The following ABCC4 variants were observed in gnomAD, a reference collection of about 807,000 sequenced individuals.
ABCC4 encodes ATP binding cassette subfamily C member 4 (PEL blood group).
In ABCC4, 102 loss-of-function variants were observed where a neutral mutation model predicts 168.5. The ratio of observed to expected loss-of-function variants is 0.61; its 90% CI spans 0.52 to 0.71. ABCC4 has a LOEUF of 0.71. Ranked by LOEUF, ABCC4 falls within the 30% of genes least tolerant of loss-of-function variation. The pLI is 0.00. For synonymous variants in ABCC4, 617 were observed against 590.7 expected (o/e 1.04, Z -0.65); for missense variants, 1,402 against 1,605.8 (o/e 0.87, Z 2.17).
At chr13:95,218,487 C>T (rs58054459) in intron 4 of ABCC4, among the ~76,000 whole-genome samples, 1,554 of 152,238 alleles carry the variant, frequency 0.01, 30 homozygotes, top group East Asian at 0.085. Flanking sequence ...GTTTCACTGC[C>T]TTCTGAGGCT....
At chr13:95,171,514 C>G (rs1432299452) in intron 13 of ABCC4, among the ~76,000 whole-genome samples, 1 of 151,242 alleles carries the variant, frequency 6.6e-6, no homozygotes. Context: ...CGTCATCACA[C>G]CACTGCACTC....
At chr13:95,076,454 C>T (rs1287557633) in intron 21 of ABCC4, among the ~76,000 whole-genome samples, 3 of 150,372 alleles carry the variant, frequency 2.0e-5, no homozygotes, top group African/African-American at 7.3e-5. Context: ...CCATGAGGTT[C>T]CCTGACCAGC....
chr13:95,059,435 A>T (rs2033201629), intron 26 of ABCC4, among the ~76,000 whole-genome samples: 1 of 152,224 alleles, frequency 6.6e-6, no homozygotes, highest in Non-Finnish European at 1.5e-5. Context: ...TGGATCTAAG[A>T]GGGACAAGCC....
At chr13:95,068,954 G>T (rs1027322368) in intron 25 of ABCC4, among the ~76,000 whole-genome samples, 8 of 152,226 alleles carry the variant, frequency 5.3e-5, no homozygotes, top group African/African-American at 1.9e-4. Flanking sequence ...AGCTGATGCT[G>T]CCTGCAGAGT....
chr13:95,202,817 T>TTTG (rs754931701), intron 8 of ABCC4, among the ~76,000 whole-genome samples: 1 of 151,568 alleles, frequency 6.6e-6, no homozygotes, highest in African/African-American at 2.4e-5. Context: ...CCCAGCTGAT[T>TTTG]TTGTTGTTGT....
chr13:95,222,254 G>A (rs1309741981), intron 4 of ABCC4, among the ~76,000 whole-genome samples: 1 of 152,210 alleles, frequency 6.6e-6, no homozygotes, highest in African/African-American at 2.4e-5. Context: ...ACTGGGCTCT[G>A]GCCACGGCTA....
At chr13:95,025,177 AC>A (rs2031347041) in intron 30 of ABCC4, among the ~76,000 whole-genome samples, 1 of 134,824 alleles carries the variant, frequency 7.4e-6, no homozygotes, top group African/African-American at 3.0e-5. Flanking sequence ...ACACACACAC[AC>A]CCACACACAC....
chr13:95,167,336 C>A (rs981565371), intron 14 of ABCC4, among the ~76,000 whole-genome samples: 3 of 152,164 alleles, frequency 2.0e-5, no homozygotes, highest in African/African-American at 7.2e-5. Flanking sequence ...AATATCTTTA[C>A]TATTTGTGTA....
intron 13 of ABCC4, among the ~76,000 whole-genome samples, chr13:95,176,217 C>T (rs1252621655): frequency 8.9e-4 from 10 of 11,252 alleles, no homozygotes; most frequent in African/African-American, 1.6e-3. Flanking sequence ...TCCAGGAAGC[C>T]GAGGGCAGGG....
intron 4 of ABCC4, among the ~76,000 whole-genome samples, chr13:95,216,596 G>A (rs1302924264): frequency 8.8e-6 from 1 of 113,308 alleles, no homozygotes; most frequent in Admixed American, 9.9e-5. Context: ...AAGAATGTGT[G>A]CAGGAAATTC....
At chr13:95,256,766 A>AG (rs2040402751) in intron 1 of ABCC4, among the ~76,000 whole-genome samples, 1 of 152,106 alleles carries the variant, frequency 6.6e-6, no homozygotes, top group Non-Finnish European at 1.5e-5. Flanking sequence ...TCAAAAAAAA[A>AG]GAAAAAAGAA....
chr13:95,105,369 GGCC>G (rs1267501984), intron 20 of ABCC4, among the ~76,000 whole-genome samples: 1 of 152,044 alleles, frequency 6.6e-6, no homozygotes, highest in Non-Finnish European at 1.5e-5. Context: ...ACTGGTCTGT[GGCC>G]CAGGGGTTGG....
At chr13:95,248,142 C>A (rs2040158686) in intron 1 of ABCC4, among the ~76,000 whole-genome samples, 1 of 152,192 alleles carries the variant, frequency 6.6e-6, no homozygotes, top group Non-Finnish European at 1.5e-5. Context: ...TTCAAGGAAT[C>A]AAGAGGATGG....
intron 30 of ABCC4, among the ~76,000 whole-genome samples, chr13:95,022,442 G>A (rs2031146179): frequency 6.6e-6 from 1 of 152,170 alleles, no homozygotes. Flanking sequence ...ATGCTGTCAA[G>A]TTTCTCTGTT....
intron 20 of ABCC4, among the ~76,000 whole-genome samples, chr13:95,114,546 A>T (rs745314292): frequency 1.3e-5 from 2 of 152,106 alleles, no homozygotes; most frequent in Non-Finnish European, 2.9e-5. Context: ...TAAACCCAGG[A>T]GGGCACATTT....
chr13:95,063,256 T>C (rs2033371724), intron 25 of ABCC4, among the ~76,000 whole-genome samples: 1 of 152,190 alleles, frequency 6.6e-6, no homozygotes, highest in African/African-American at 2.4e-5. Flanking sequence ...GTCTCCTAAG[T>C]GGCCCATGAA....
At chr13:95,208,886 T>G (rs961155242) in intron 6 of ABCC4, among the ~76,000 whole-genome samples, 7 of 152,182 alleles carry the variant, frequency 4.6e-5, no homozygotes, top group Non-Finnish European at 7.4e-5. Context: ...TCCCAAAGTG[T>G]TGGGATTACA....
chr13:95,032,815 C>T lies in ABCC4; in HGVS notation c.3870+1790G>A, dbSNP rs543804433. ...GAGTAGCTGGGACTACAGATGTGTGCCACCACGCCCAGCTAATTTTTGTAT... is the reference window on the plus strand; with the variant it reads ...GAGTAGCTGGGACTACAGATGTGTGTCACCACGCCCAGCTAATTTTTGTAT... On this transcript the variant is annotated intron_variant, in intron 30 of 30. Coordinates refer to ENST00000645237, the MANE Select transcript of ABCC4 (RefSeq NM_005845.5). Among the ~76,000 whole-genome samples, 13 of 151,672 alleles carry T rather than the reference C, an allele frequency of 8.6e-5. No individual in the cohort carries two copies. In the South Asian group the frequency reaches 2.7e-3, roughly 32 times the overall value.
intron 4 of ABCC4, among the ~76,000 whole-genome samples, chr13:95,211,118 AG>A (rs1168602320): frequency 9.8e-5 from 15 of 152,360 alleles, no homozygotes; most frequent in African/African-American, 3.6e-4. Context: ...AGGCTGTCAG[AG>A]GAACAAAATG....
Sources: gnomAD v4.1 joint callset for allele counts (sites outside exome capture counted in the v4.1 genomes callset) on GRCh38, gnomAD v4.1.1 for gene constraint, MANE v1.5 for transcripts, NCBI Gene and HGNC (gene_info 2026-07-23, HGNC 2026-07-21) for gene names.